The following GRAMD4 variants were observed in gnomAD, a reference collection of about 807,000 sequenced individuals.
GRAMD4 encodes GRAM domain-containing protein 4.
A neutral mutation model predicts 83.9 loss-of-function variants in GRAMD4; 25 were observed. The observed-to-expected ratio is 0.30, with a 90% CI of 0.22 to 0.42. GRAMD4 has a LOEUF of 0.42. Among genes scored for constraint, GRAMD4 ranks in the 10% least tolerant of loss-of-function variants. The pLI, the probability that GRAMD4 is intolerant of heterozygous loss-of-function variation, is 1.00. For missense variants in GRAMD4, 593 were observed against 788.7 expected, an observed-to-expected ratio of 0.75 and a Z score of 2.97; for synonymous variants, 336 against 320.9, an observed-to-expected ratio of 1.05 and a Z score of -0.50.
chr22:46,672,773 A>T lies in GRAMD4; in HGVS notation c.1085-70A>T. On this transcript the variant is annotated intron_variant, in intron 13 of 18. Transcript: ENST00000406902. This position sits in a 1 kb window ranked among gnomAD's most constrained non-coding sequence, Gnocchi z 4.7. ...AATCTGGGAGGTGGGAGGTGCCGGA[A>T]CCATCACCCTGAGTAGACTGGCATA... 1 of 1,285,700 alleles carries T rather than the reference A, an allele frequency of 7.8e-7. No homozygotes were observed. 79.6% of individuals were successfully genotyped at this position (1,285,700 alleles called of 1,614,324 possible).
chr22:46,654,788 G>A (rs2082218379), intron 3 of GRAMD4, among the ~76,000 whole-genome samples: 1 of 152,228 alleles, frequency 6.6e-6, no homozygotes, highest in Non-Finnish European at 1.5e-5. Context: ...GGGTCTTGGG[G>A]CCAGAACAGA....
chr22:46,584,545 C>T (rs1412757902), intron 1 of GRAMD4, among the ~76,000 whole-genome samples: 2 of 152,172 alleles, frequency 1.3e-5, no homozygotes, highest in African/African-American at 4.8e-5. Flanking sequence ...GCTTGCCACA[C>T]ATCTACTTAA....
At chr22:46,647,148 A>G (rs2082083629) in intron 3 of GRAMD4, among the ~76,000 whole-genome samples, 1 of 152,148 alleles carries the variant, frequency 6.6e-6, no homozygotes, top group Admixed American at 6.5e-5. Context: ...TCTGCCCTAG[A>G]GTGACATGTT....
intron 2 of GRAMD4, among the ~76,000 whole-genome samples, chr22:46,636,995 G>A (rs1243894497): frequency 6.6e-6 from 1 of 152,214 alleles, no homozygotes; most frequent in African/African-American, 2.4e-5. Context: ...TTTTCATGGA[G>A]CAGAGAGGAC....
rs575978059 is a variant in GRAMD4 at position 46,600,972 on chromosome 22, C to T, written c.-50+23682C>T. On this transcript the variant is annotated intron_variant, in intron 1 of 1. Coordinates refer to the GRAMD4 transcript ENST00000431155. ...CAGCTTGGCCAATATGGTGAAATCCCGTCTCTACTAAAAATGCAAAAATTA... is the reference window on the plus strand; with the variant it reads ...CAGCTTGGCCAATATGGTGAAATCCTGTCTCTACTAAAAATGCAAAAATTA... Among the ~76,000 whole-genome samples the T allele has an allele frequency of 9.2e-5, 14 of 152,088 alleles. No homozygotes were observed. In the East Asian group the frequency reaches 2.1e-3, roughly 23 times the overall value.
intron 1 of GRAMD4, chr22:46,577,396 C>CCCCCCG: frequency 1.7e-5 from 5 of 297,174 alleles, no homozygotes; most frequent in Non-Finnish European, 2.4e-5. Context: ...CCGCGCTCTC[C>CCCCCCG]CCGCCGCCGC....
intron 1 of GRAMD4, among the ~76,000 whole-genome samples, chr22:46,602,396 G>A (rs868378125): frequency 3.8e-4 from 58 of 152,108 alleles, no homozygotes; most frequent in African/African-American, 1.3e-3. Context: ...TGTATTTATC[G>A]GCTGGGCACA....
At chr22:46,583,753 C>T (rs760061660) in intron 1 of GRAMD4, among the ~76,000 whole-genome samples, 16 of 152,256 alleles carry the variant, frequency 1.1e-4, no homozygotes, top group Non-Finnish European at 1.9e-4. Flanking sequence ...CGATGTGGCC[C>T]GCGGCTACTG....
At chr22:46,639,799 C>G (rs140119631) in intron 3 of GRAMD4, among the ~76,000 whole-genome samples, 1 of 152,236 alleles carries the variant, frequency 6.6e-6, no homozygotes, top group East Asian at 1.9e-4. Context: ...GAGGACAGCT[C>G]TGGTGACACA....
chr22:46,623,420 C>T (rs1005473944), intron 1 of GRAMD4, among the ~76,000 whole-genome samples: 4 of 152,112 alleles, frequency 2.6e-5, no homozygotes, highest in Admixed American at 6.5e-5. Context: ...CAGAGTCTCA[C>T]GCTGCCCCCC....
intron 3 of GRAMD4, among the ~76,000 whole-genome samples, chr22:46,643,322 T>A (rs2147253296): frequency 8.7e-6 from 1 of 114,642 alleles, no homozygotes; most frequent in South Asian, 3.2e-4. Flanking sequence ...CATCCATCCA[T>A]CCATGCATCT....
intron 18 of GRAMD4, 126 bp downstream of exon 18, chr22:46,676,794 GC>G: frequency 1.2e-6 from 1 of 859,852 alleles, no homozygotes; most frequent in Non-Finnish European, 1.8e-6. Flanking sequence ...TCACAAAGCC[GC>G]CCCCTCCCTC....
At chr22:46,582,222 G>A (rs990537459) in intron 1 of GRAMD4, among the ~76,000 whole-genome samples, 1 of 152,164 alleles carries the variant, frequency 6.6e-6, no homozygotes, top group Admixed American at 6.5e-5. Context: ...CTTTGTGCTT[G>A]GTGAATTGTT....
intron 1 of GRAMD4, among the ~76,000 whole-genome samples, chr22:46,603,484 C>T (rs969911274): frequency 1.4e-5 from 2 of 144,614 alleles, no homozygotes; most frequent in Admixed American, 7.2e-5. Flanking sequence ...GCTGGGATTA[C>T]AGGCATGAGC....
At chr22:46,587,265 T>TTG (rs1346167692) in intron 1 of GRAMD4, among the ~76,000 whole-genome samples, 1 of 152,080 alleles carries the variant, frequency 6.6e-6, no homozygotes, top group African/African-American at 2.4e-5. Context: ...GAAGGTGACA[T>TTG]TGTGTCCCCA....
At chr22:46,652,207 ACC>A (rs2082176891) in intron 3 of GRAMD4, among the ~76,000 whole-genome samples, 1 of 152,114 alleles carries the variant, frequency 6.6e-6, no homozygotes, top group African/African-American at 2.4e-5. Flanking sequence ...GCGCACAGTC[ACC>A]ACAAAGGTTC....
chr22:46,576,615 G>A (rs1309149948), upstream of GRAMD4, among the ~76,000 whole-genome samples: 4 of 152,222 alleles, frequency 2.6e-5, no homozygotes, highest in Non-Finnish European at 5.9e-5. Context: ...GTCCCGTACA[G>A]CGCGGGCTGC....
chr22:46,608,636 A>G (rs1484735717), intron 1 of GRAMD4, among the ~76,000 whole-genome samples: 1 of 152,156 alleles, frequency 6.6e-6, no homozygotes, highest in Non-Finnish European at 1.5e-5. Context: ...CCAAGATTGC[A>G]TTACTGTACT....
intron 3 of GRAMD4, among the ~76,000 whole-genome samples, chr22:46,654,962 C>G (rs1233976725): frequency 6.6e-6 from 1 of 152,140 alleles, no homozygotes; most frequent in East Asian, 1.9e-4. Flanking sequence ...AATCATGTCC[C>G]CAAGAGGAAA....
Sources: gnomAD v4.1 joint callset for allele counts (sites outside exome capture counted in the v4.1 genomes callset) on GRCh38, gnomAD v4.1.1 for gene constraint, Gnocchi (gnomAD v3.1) non-coding constraint, MANE v1.5 for transcripts, NCBI Gene and HGNC (gene_info 2026-07-23, HGNC 2026-07-21) for gene names.